ADCY2: variants seen among roughly 807,000 people sequenced by gnomAD.
ADCY2 encodes adenylate cyclase type 2.
A neutral mutation model predicts 125.2 loss-of-function variants in ADCY2; 31 were observed. That is an observed-to-expected ratio of 0.25 (90% CI 0.19 to 0.33). ADCY2 has a LOEUF of 0.33. ADCY2 is among the 10% of genes least tolerant of loss of function. The probability of loss-of-function intolerance (pLI) is 1.00; values close to 1 mark genes in which losing one functional copy is unlikely to be tolerated. For missense variants in ADCY2, 904 were observed against 1,418.2 expected, an observed-to-expected ratio of 0.64 and a Z score of 5.82; for synonymous variants, 512 against 548.4, an observed-to-expected ratio of 0.93 and a Z score of 0.93.
At chr5:7,775,173 CTTTG>C (rs1426022513) in intron 18 of ADCY2, among the ~76,000 whole-genome samples, 3 of 89,398 alleles carry the variant, frequency 3.4e-5, no homozygotes, top group Admixed American at 1.2e-4. Context: ...TGCCCAGCTA[CTTTG>C]TGTGTGTGTG....
intron 3 of ADCY2, among the ~76,000 whole-genome samples, chr5:7,571,678 A>G (rs933297828): frequency 2.6e-5 from 4 of 152,136 alleles, no homozygotes; most frequent in Admixed American, 1.3e-4. Context: ...GTATATGTAC[A>G]AATTTGTTAC....
rs868237590 is a variant in ADCY2, at chr5:7,619,212, T to G, written c.571-6955T>G. Among the ~76,000 whole-genome samples the G allele has an allele frequency of 7.2e-5, 11 of 152,318 alleles. No homozygotes were observed. In the South Asian group the frequency reaches 2.3e-3, roughly 32 times the overall value. The stretch of plus-strand genomic sequence containing the variant: ...AATATCAGATGCAATTATCCAAACA[T>G]CAGACTGGGTCACGAGACAGTGTTT... On this transcript the variant is annotated intron_variant, in intron 3 of 24. Coordinates refer to ENST00000338316, the MANE Select transcript of ADCY2 (RefSeq NM_020546.3).
intron 19 of ADCY2, among the ~76,000 whole-genome samples, chr5:7,788,234 C>G (rs1041910169): frequency 1.6e-4 from 25 of 152,188 alleles, no homozygotes; most frequent in African/African-American, 6.0e-4. Flanking sequence ...GACTGGAGTG[C>G]AGTGGCTCAA....
At chr5:7,445,602 A>G (rs1688284666) in intron 2 of ADCY2, among the ~76,000 whole-genome samples, 1 of 152,232 alleles carries the variant, frequency 6.6e-6, no homozygotes, top group African/African-American at 2.4e-5. Flanking sequence ...ATCTCATCCA[A>G]AAACATTACA....
At chr5:7,737,391 G>A (rs1437135611) in intron 14 of ADCY2, among the ~76,000 whole-genome samples, 1 of 152,152 alleles carries the variant, frequency 6.6e-6, no homozygotes, top group Non-Finnish European at 1.5e-5. Context: ...AGAGCTAGAC[G>A]AAGGTAAGGT....
chr5:7,487,237 C>A lies in ADCY2; in HGVS notation c.409-33501C>A, dbSNP rs182530037. ...CAGACCATCACAGCCAAGGGCCTGC[C>A]CATCCTGTCAGTCCCAGTGCCTGCT... is the stretch of plus-strand genomic sequence containing the variant. On this transcript the variant is annotated intron_variant, in intron 2 of 24. Coordinates refer to ENST00000338316, the MANE Select transcript of ADCY2 (RefSeq NM_020546.3). Among the ~76,000 whole-genome samples, 9 of 152,256 alleles carry A rather than the reference C, an allele frequency of 5.9e-5. No homozygotes were observed. In the East Asian group the frequency reaches 1.7e-3, roughly 30 times the overall value.
intron 2 of ADCY2, among the ~76,000 whole-genome samples, chr5:7,420,811 A>G (rs1406694754): frequency 1.3e-5 from 2 of 152,046 alleles, no homozygotes; most frequent in Non-Finnish European, 2.9e-5. Flanking sequence ...AATGCCTTTC[A>G]TTTGTGCTTC....
chr5:7,693,414 T>TTTTTTTTTTTTTTTG (rs1740781791), intron 5 of ADCY2, among the ~76,000 whole-genome samples: 1 of 31,182 alleles, frequency 3.2e-5, no homozygotes, highest in Non-Finnish European at 7.8e-5. Context: ...CTGTTTTTTG[T>TTTTTTTTTTTTTTTG]TTTTTTTTTT....
intron 2 of ADCY2, among the ~76,000 whole-genome samples, chr5:7,519,229 A>G (rs993506844): frequency 3.9e-5 from 6 of 152,186 alleles, no homozygotes; most frequent in African/African-American, 1.4e-4. Flanking sequence ...TTCCCAGGAG[A>G]GAAGAAGCCT....
intron 15 of ADCY2, among the ~76,000 whole-genome samples, chr5:7,745,572 G>C (rs758971203): frequency 1.1e-4 from 16 of 152,164 alleles, no homozygotes; most frequent in Non-Finnish European, 2.1e-4. Flanking sequence ...GCTTATTGTA[G>C]AAAGAAGCCT....
In ADCY2 at chr5:7,698,244, C is replaced by T; in HGVS notation, c.982-3C>T. On this transcript the variant is annotated splice_polypyrimidine_tract_variant and splice_region_variant and intron_variant, in intron 6 of 24. Transcript: ENST00000338316. ...ACTGAAATTCTGTAATTTATTCTTC[C>T]AGGAGAATGAATGCATGAGAATTAA... 6.2e-7 allele frequency: 1 copy of T among 1,613,782 alleles called. No homozygotes were observed.
intron 4 of ADCY2, among the ~76,000 whole-genome samples, chr5:7,678,879 C>T (rs1328683347): frequency 6.6e-6 from 1 of 152,202 alleles, no homozygotes; most frequent in Non-Finnish European, 1.5e-5. Flanking sequence ...TAATGAGTTC[C>T]TCAGTGAAAT....
At chr5:7,628,581 A>G (rs546636922) in intron 4 of ADCY2, among the ~76,000 whole-genome samples, 1 of 152,228 alleles carries the variant, frequency 6.6e-6, no homozygotes, top group Non-Finnish European at 1.5e-5. Context: ...TTAAAAATAA[A>G]GAAAGTGAGA....
chr5:7,430,673 G>T (rs559024356), intron 2 of ADCY2, among the ~76,000 whole-genome samples: 1 of 151,396 alleles, frequency 6.6e-6, no homozygotes, highest in Non-Finnish European at 1.5e-5. Context: ...ACCACCTTAA[G>T]GATAATTTCA....
intron 3 of ADCY2, among the ~76,000 whole-genome samples, chr5:7,592,052 C>T (rs959045543): frequency 6.6e-6 from 1 of 152,094 alleles, no homozygotes; most frequent in African/African-American, 2.4e-5. Context: ...TGCCATTTTT[C>T]TTTTGCCTTT....
chr5:7,445,236 G>A (rs940180948), intron 2 of ADCY2, among the ~76,000 whole-genome samples: 29 of 152,082 alleles, frequency 1.9e-4, no homozygotes, highest in African/African-American at 5.3e-4. Flanking sequence ...TGATTCATGG[G>A]GCATTTGTCC....
chr5:7,609,586 C>G (rs780828708), intron 3 of ADCY2, among the ~76,000 whole-genome samples: 7 of 152,000 alleles, frequency 4.6e-5, no homozygotes, highest in Non-Finnish European at 7.4e-5. Flanking sequence ...TATGGATTAC[C>G]CAATCTATAT....
chr5:7,549,787 G>A (rs1436278580), intron 3 of ADCY2, among the ~76,000 whole-genome samples: 2 of 152,162 alleles, frequency 1.3e-5, no homozygotes, highest in Non-Finnish European at 2.9e-5. Context: ...CAAGAGGCCA[G>A]GCAGCGTGTG....
intron 4 of ADCY2, among the ~76,000 whole-genome samples, chr5:7,676,321 AATAG>A (rs898707008): frequency 2.0e-5 from 3 of 152,230 alleles, no homozygotes; most frequent in African/African-American, 7.2e-5. Context: ...AAAATCACTA[AATAG>A]ATAGTCACTA....
Sources: allele counts gnomAD v4.1 joint callset (sites outside exome capture counted in the v4.1 genomes callset), GRCh38; gene constraint gnomAD v4.1.1; transcripts MANE v1.5; gene names NCBI Gene and HGNC (gene_info 2026-07-23, HGNC 2026-07-21).